The following OTUD7A variants were observed in gnomAD, a reference collection of about 807,000 sequenced individuals.
The protein encoded by OTUD7A is OTU deubiquitinase 7A.
In OTUD7A, 12 loss-of-function variants were observed where a neutral mutation model predicts 65.7. That is an observed-to-expected ratio of 0.18 (90% confidence interval 0.12 to 0.30). The LOEUF (loss-of-function observed/expected upper bound fraction) is 0.30. Ranked by LOEUF, OTUD7A falls within the 10% of genes least tolerant of loss-of-function variation. The pLI is 1.00. For missense variants in OTUD7A, 1,148 were observed against 1,304.8 expected, an observed-to-expected ratio of 0.88 and a Z score of 1.85; for synonymous variants, 641 against 586.3, an observed-to-expected ratio of 1.09 and a Z score of -1.35.
At chr15:31,542,281 T>A (rs541300773) in intron 5 of OTUD7A, among the ~76,000 whole-genome samples, 1 of 152,064 alleles carries the variant, frequency 6.6e-6, no homozygotes, top group South Asian at 2.1e-4. Flanking sequence ...ACAAGCATGT[T>A]AAAAATGTTT....
intron 3 of OTUD7A, among the ~76,000 whole-genome samples, chr15:31,593,562 A>C (rs900722701): frequency 1.3e-5 from 2 of 152,134 alleles, no homozygotes; most frequent in African/African-American, 4.8e-5. Context: ...GCAGACTTTC[A>C]GCAAATGGGT....
intron 5 of OTUD7A, among the ~76,000 whole-genome samples, chr15:31,536,721 A>G (rs956050200): frequency 1.3e-5 from 2 of 152,212 alleles, no homozygotes; most frequent in Non-Finnish European, 2.9e-5. Flanking sequence ...CATTATCCTA[A>G]GTGAAATAAA....
intron 8 of OTUD7A, among the ~76,000 whole-genome samples, chr15:31,517,248 C>A (rs537219256): frequency 1.3e-5 from 2 of 152,314 alleles, no homozygotes; most frequent in African/African-American, 4.8e-5. Context: ...TGCTCTGGTA[C>A]TGGAACTCCA....
At chr15:31,530,854 G>C in intron 5 of OTUD7A, 46 bp from the exon 6 acceptor site, 2 of 1,520,922 alleles carry the variant, frequency 1.3e-6, no homozygotes, top group Non-Finnish European at 1.8e-6. Flanking sequence ...AAAAGGAAGG[G>C]GCCACTGGGG....
intron 1 of OTUD7A, among the ~76,000 whole-genome samples, chr15:31,753,705 T>TATATATATGTGATATATAACCTGTG (rs1894716390): frequency 1.3e-4 from 10 of 78,384 alleles, no homozygotes; most frequent in African/African-American, 8.6e-4. Context: ...ATATATATTA[T>TATATATATGTGATATATAACCTGTG]ATATATATAT....
At chr15:31,570,963 T>C (rs542977938) in intron 3 of OTUD7A, among the ~76,000 whole-genome samples, 1 of 152,212 alleles carries the variant, frequency 6.6e-6, no homozygotes, top group Non-Finnish European at 1.5e-5. Context: ...CATCATCCTA[T>C]AGCACGATTG....
At chr15:31,555,657 C>A (rs1251437568) in intron 5 of OTUD7A, among the ~76,000 whole-genome samples, 2 of 152,206 alleles carry the variant, frequency 1.3e-5, no homozygotes, top group East Asian at 1.9e-4. Flanking sequence ...AGGGTCTTCA[C>A]GTGAGTCTGA....
intron 1 of OTUD7A, among the ~76,000 whole-genome samples, chr15:31,695,222 G>A (rs1365457234): frequency 7.5e-6 from 1 of 134,058 alleles, no homozygotes; most frequent in African/African-American, 2.5e-5. Flanking sequence ...TGGATAGAGT[G>A]CTGCAGTGAA....
chr15:31,855,054 ATG>A (rs1400313159), intron 1 of OTUD7A, among the ~76,000 whole-genome samples: 1 of 152,216 alleles, frequency 6.6e-6, no homozygotes, highest in African/African-American at 2.4e-5. Flanking sequence ...AAAAGAAACA[ATG>A]TGCATATAAT....
At chr15:31,786,018 G>GGATTAATC (rs1895663222) in intron 1 of OTUD7A, among the ~76,000 whole-genome samples, 2 of 152,140 alleles carry the variant, frequency 1.3e-5, no homozygotes, top group South Asian at 4.2e-4. Flanking sequence ...ATGGATTAAT[G>GGATTAATC]GGTTATCATG....
At chr15:31,833,970 C>A (rs564861806) in intron 1 of OTUD7A, among the ~76,000 whole-genome samples, 1 of 152,336 alleles carries the variant, frequency 6.6e-6, no homozygotes, top group Non-Finnish European at 1.5e-5. Context: ...TCTTCAGAGC[C>A]TTTCTAATGA....
chr15:31,763,094 C>A (rs1895012119), intron 1 of OTUD7A, among the ~76,000 whole-genome samples: 1 of 152,042 alleles, frequency 6.6e-6, no homozygotes, highest in African/African-American at 2.4e-5. Context: ...ACCAGGTTGG[C>A]CAACATGGTG....
rs565236740 is a variant in OTUD7A, at chr15:31,597,474, C to CTT, written c.152-27279_152-27278dup. ...TAGGAGGCAGAGCGTCAAGGCCCTC[C>CTT]TTTTTTTTTTTTTAACATACCATTT... On this transcript the variant is annotated intron_variant, in intron 3 of 12. Coordinates refer to ENST00000307050, the MANE Select transcript of OTUD7A (RefSeq NM_001382637.1). Among the ~76,000 whole-genome samples the CTT allele has an allele frequency of 2.8e-5, 4 of 145,152 alleles. No individual in the cohort carries two copies. In the South Asian group the frequency reaches 6.7e-4, roughly 24 times the overall value.
chr15:31,610,537 G>C (rs1595653432), intron 3 of OTUD7A, among the ~76,000 whole-genome samples: 1 of 138,956 alleles, frequency 7.2e-6, no homozygotes, highest in East Asian at 2.2e-4. Flanking sequence ...CTTTCTCCAA[G>C]ATAGACCATA....
intron 1 of OTUD7A, among the ~76,000 whole-genome samples, chr15:31,857,699 C>A: frequency 6.6e-6 from 1 of 152,212 alleles, no homozygotes; most frequent in East Asian, 1.9e-4. Flanking sequence ...CCACGTCCTT[C>A]AACACTTGGC....
rs1001672666 is a variant in OTUD7A at position 31,478,206 on chromosome 15, T to A, written c.*5088A>T. On this transcript the variant is annotated 3_prime_UTR_variant, in exon 13 of 13. Coordinates refer to ENST00000307050, the MANE Select transcript of OTUD7A (RefSeq NM_001382637.1). ...TTCTTCGTTTAAAGGAGCACTCCAG[T>A]GTCTGCAGATAAATTCTAAAACAGC... The A allele has an allele frequency of 6.6e-6, 1 of 152,250 alleles. No individual in the cohort carries two copies. The highest frequency in any genetic ancestry group is 1.5e-5 in the Non-Finnish European group (1 of 68,036). The allele number at this position is 152,250 out of a possible 1,614,324, so 9.4% of individuals were successfully genotyped here. A position where few individuals can be genotyped will look rare whatever the true frequency, so the allele number is the denominator to read the frequency against.
At position 31,481,894 on chromosome 15, in the gene OTUD7A, A is replaced by T. The variant is rs201100538; in HGVS notation, c.*1400T>A. On this transcript the variant is annotated 3_prime_UTR_variant, in exon 13 of 13. Coordinates refer to ENST00000307050, the MANE Select transcript of OTUD7A (RefSeq NM_001382637.1). The stretch of plus-strand genomic sequence containing the variant: ...GCCAGGCGCTTTCTCCTGTCCTAGG[A>T]TTATTAGAAGCTATTCTAAGGCTCT... 6.6e-6 allele frequency: 1 copy of T among 152,172 alleles called. No individual in the cohort carries two copies. Among genetic ancestry groups the T allele is most frequent in the East Asian group, 1.9e-4 (1 of 5,196 alleles). The allele number at this position is 152,172 out of a possible 1,614,324, so 9.4% of individuals were successfully genotyped here.
chr15:31,759,066 G>C (rs1056546534), intron 1 of OTUD7A, among the ~76,000 whole-genome samples: 1 of 152,122 alleles, frequency 6.6e-6, no homozygotes, highest in Non-Finnish European at 1.5e-5. Context: ...AATGCTCTAA[G>C]ATTGCTATAA....
intron 4 of OTUD7A, among the ~76,000 whole-genome samples, chr15:31,563,965 G>GA (rs1179630876): frequency 1.3e-5 from 2 of 152,150 alleles, no homozygotes; most frequent in Non-Finnish European, 2.9e-5. Context: ...GAGCTTCAGG[G>GA]AAACTGTTAA....
Sources: allele counts gnomAD v4.1 joint callset (sites outside exome capture counted in the v4.1 genomes callset), GRCh38; gene constraint gnomAD v4.1.1; transcripts MANE v1.5; gene names NCBI Gene and HGNC (gene_info 2026-07-23, HGNC 2026-07-21).